Variants in HECTD4 observed in about 807,000 individuals in gnomAD.
The protein encoded by HECTD4 is HECT domain E3 ubiquitin protein ligase 4, also known as probable E3 ubiquitin-protein ligase HECTD4.
HECTD4 carries 114 observed loss-of-function variants against 471.5 expected under a neutral mutation model. The observed-to-expected ratio is 0.24, with a 90% confidence interval of 0.21 to 0.28. HECTD4 has a LOEUF of 0.28. Ranked by LOEUF, HECTD4 falls within the 10% of genes least tolerant of loss-of-function variation. The pLI is 1.00. For synonymous variants in HECTD4, 2,012 were observed against 2,256.0 expected (o/e 0.89, Z 3.07); for missense variants, 3,866 against 5,651.5 (o/e 0.68, Z 10.13).
At chr12:112,325,771 T>C (rs2035729190) in intron 1 of HECTD4, among the ~76,000 whole-genome samples, 2 of 151,998 alleles carry the variant, frequency 1.3e-5, no homozygotes, top group Admixed American at 1.3e-4. Context: ...ACAGCCTTCA[T>C]GTATTTTTTT....
chr12:112,282,035 ATGTTTAAT>A (rs1392762095), intron 8 of HECTD4, among the ~76,000 whole-genome samples: 2 of 152,110 alleles, frequency 1.3e-5, no homozygotes, highest in African/African-American at 2.4e-5. Context: ...TTGAGGGAGT[ATGTTTAAT>A]AACATACTCC....
At chr12:112,203,825 G>A in intron 53 of HECTD4, 53 bp from the exon 54 acceptor site, 1 of 1,290,508 alleles carries the variant, frequency 7.7e-7, no homozygotes, top group East Asian at 2.6e-5. Context: ...CTGCATCTGG[G>A]TTCTTACATT....
intron 18 of HECTD4, 96 bp from the exon 19 acceptor site, chr12:112,259,361 G>A: frequency 7.5e-7 from 1 of 1,332,114 alleles, no homozygotes; most frequent in South Asian, 1.3e-5. Context: ...CTCCTAAACT[G>A]CACCTCCTTA....
rs746357594 is a variant in HECTD4, at chr12:112,184,220, G to A, written c.10746C>T (p.Ala3582=). 4 of 1,612,820 alleles carry A rather than the reference G, an allele frequency of 2.5e-6. No homozygotes were observed. In the South Asian group the frequency reaches 3.3e-5, roughly 13 times the overall value. Residue 3582 remains alanine (A), a synonymous_variant, in exon 61 of 76, where the codon GCC becomes GCT. Coordinates refer to ENST00000682272, the MANE Select transcript of HECTD4 (RefSeq NM_001388303.1). This position sits in a 1 kb window ranked among gnomAD's most constrained non-coding sequence, Gnocchi z 9.1. ...CTGCGAAGCCTTTGATGGGGCGGGC[G>A]GCGAGGGGCTGGTTGTCCAGGGAAG... The part of the protein sequence containing the change: ...TVTSLDNQPL[A]ARPIKGFAVV...
chr12:112,328,414 A>G (rs1297596844), intron 1 of HECTD4, among the ~76,000 whole-genome samples: 1 of 152,246 alleles, frequency 6.6e-6, no homozygotes, highest in Non-Finnish European at 1.5e-5. Flanking sequence ...CTGGGATTAC[A>G]GGCATGAGCC....
chr12:112,229,466 C>T (rs1430385107), intron 41 of HECTD4, among the ~76,000 whole-genome samples: 1 of 152,198 alleles, frequency 6.6e-6, no homozygotes, highest in Non-Finnish European at 1.5e-5. Flanking sequence ...GATCACACTA[C>T]AGGACACAAG....
intron 1 of HECTD4, among the ~76,000 whole-genome samples, chr12:112,377,220 C>T (rs1375745493): frequency 6.6e-6 from 1 of 151,642 alleles, no homozygotes; most frequent in East Asian, 1.9e-4. Flanking sequence ...TCACTTGAGG[C>T]CAAGAGGAAT....
At position 112,274,965 on chromosome 12, in the gene HECTD4, GGA is replaced by G; in HGVS notation, c.1688-7_1688-6del. The G allele has an allele frequency of 6.6e-7, 1 of 1,506,004 alleles. No individual in the cohort carries two copies. Among genetic ancestry groups the G allele is most frequent in the Non-Finnish European group, 9.0e-7 (1 of 1,107,192 alleles). The allele number at this position is 1,506,004 out of a possible 1,614,324, so 93.3% of individuals were successfully genotyped here. Reference sequence around the variant, plus strand: ...ACACCAAGCTGGAGGCTAGGACTTTGGAAACAAACATTAAGCTGTTTAATGAG... The same window carrying G: ...ACACCAAGCTGGAGGCTAGGACTTTGAACAAACATTAAGCTGTTTAATGAG... On this transcript the variant is annotated splice_region_variant and splice_polypyrimidine_tract_variant and intron_variant, in intron 9 of 75. Transcript: ENST00000682272.
At chr12:112,264,591 TA>T (rs2034225242) in intron 16 of HECTD4, among the ~76,000 whole-genome samples, 1 of 152,040 alleles carries the variant, frequency 6.6e-6, no homozygotes, top group Admixed American at 6.6e-5. Flanking sequence ...AATGTAAAAT[TA>T]AAAATTAATA....
rs1170258470 is a variant in HECTD4, at chr12:112,166,993, T to G, written c.12534+324A>C. The G allele has an allele frequency of 4.2e-6, 1 of 239,592 alleles. No homozygotes were observed. The highest frequency in any genetic ancestry group is 8.0e-6 in the Non-Finnish European group (1 of 125,358). The allele number at this position is 239,592 out of a possible 1,614,324, so 14.8% of individuals were successfully genotyped here. On this transcript the variant is annotated intron_variant, in intron 72 of 75. Coordinates refer to ENST00000682272, the MANE Select transcript of HECTD4 (RefSeq NM_001388303.1). This position sits in a 1 kb window ranked among gnomAD's most constrained non-coding sequence, Gnocchi z 4.6. ...GAGTCCCTGAAAAAACTCTTAACCT[T>G]CACCCCTACAGCTGTTCTCCCAGTG... is the stretch of plus-strand genomic sequence containing the variant.
intron 38 of HECTD4, among the ~76,000 whole-genome samples, chr12:112,232,029 G>A (rs1392419391): frequency 6.6e-6 from 1 of 152,160 alleles, no homozygotes; most frequent in Non-Finnish European, 1.5e-5. Flanking sequence ...TCAATACACA[G>A]AGATCTACCT....
Position 112,184,244 on chromosome 12 carries a change from A to G in HECTD4, c.10722T>C (p.Thr3574=). ...CGGCGAGGGGCTGGTTGTCCAGGGAAGTGACTGTGTACATGGAGCCCATGT... is the reference window on the plus strand; with the variant it reads ...CGGCGAGGGGCTGGTTGTCCAGGGAGGTGACTGTGTACATGGAGCCCATGT... The part of the protein sequence containing the change: ...VSDMGSMYTV[T]SLDNQPLAAR... The change falls in exon 61 of 76, where the codon ACT becomes ACC. Residue 3574 remains threonine, a synonymous_variant. Coordinates refer to ENST00000682272, the MANE Select transcript of HECTD4 (RefSeq NM_001388303.1). This position sits in a 1 kb window ranked among gnomAD's most constrained non-coding sequence, Gnocchi z 9.1. The G allele has an allele frequency of 6.2e-7, 1 of 1,613,532 alleles. No individual in the cohort carries two copies. Among genetic ancestry groups the G allele is most frequent in the Non-Finnish European group, 8.5e-7 (1 of 1,179,852 alleles).
At chr12:112,221,423 A>C (rs778527357) in intron 44 of HECTD4, among the ~76,000 whole-genome samples, 1 of 151,718 alleles carries the variant, frequency 6.6e-6, no homozygotes, top group Non-Finnish European at 1.5e-5. Context: ...TTTTTTGTAG[A>C]TAGGGAGTTT....
At chr12:112,364,677 C>T (rs2036526485) in intron 1 of HECTD4, among the ~76,000 whole-genome samples, 1 of 151,788 alleles carries the variant, frequency 6.6e-6, no homozygotes, top group South Asian at 2.1e-4. Context: ...TGCAGTGAGC[C>T]GTGACTGCGC....
intron 1 of HECTD4, among the ~76,000 whole-genome samples, chr12:112,346,802 T>G (rs1368328452): frequency 6.6e-6 from 1 of 152,208 alleles, no homozygotes; most frequent in Non-Finnish European, 1.5e-5. Flanking sequence ...TCTATTTGAT[T>G]GCTCTCCTTT....
Position 112,243,927 on chromosome 12 carries a change from A to T in HECTD4, c.4596T>A (p.Ser1532=). ...PVFLRSMSAP[S]DLEMIGNEDL... The stretch of plus-strand genomic sequence containing the variant: ...CTTCATTACCAATCATTTCCAGGTC[A>T]GAAGGAGCTGACATGCTGCGAAGAA... Residue 1532 remains serine (S), a synonymous_variant, in exon 30 of 76, where the codon TCT becomes TCA. Transcript: ENST00000682272. The surrounding 1 kb of genome is among the most constrained non-coding windows in gnomAD (Gnocchi z 6.6). 1 of 1,614,062 alleles carries T rather than the reference A, an allele frequency of 6.2e-7. No individual in the cohort carries two copies. Among genetic ancestry groups the T allele is most frequent in the Non-Finnish European group, 8.5e-7 (1 of 1,179,896 alleles).
rs755787057 is a variant in HECTD4 at position 112,203,802 on chromosome 12, G to A, written c.8270-30C>T. On this transcript the variant is annotated intron_variant, in intron 53 of 75. Coordinates refer to ENST00000682272, the MANE Select transcript of HECTD4 (RefSeq NM_001388303.1). ...GGAGTGTAGAGGGAGAAGTTTTTCAGGAAAAAGTACCACTGCATCTGGGTT... is the reference window on the plus strand; with the variant it reads ...GGAGTGTAGAGGGAGAAGTTTTTCAAGAAAAAGTACCACTGCATCTGGGTT... 4 of 1,487,932 alleles carry A rather than the reference G, an allele frequency of 2.7e-6. No individual in the cohort carries two copies. The East Asian group carries it at 9.8e-5, about 36-fold the overall frequency. The allele number at this position is 1,487,932 out of a possible 1,614,324, so 92.2% of individuals were successfully genotyped here.
intron 24 of HECTD4, 77 bp from the exon 25 acceptor site, chr12:112,250,454 C>G: frequency 1.0e-6 from 1 of 998,464 alleles, no homozygotes; most frequent in Non-Finnish European, 1.5e-6. Context: ...TTTGCAGATA[C>G]ATCAAACATA....
intron 7 of HECTD4, among the ~76,000 whole-genome samples, chr12:112,299,091 T>C (rs974344330): frequency 6.6e-6 from 1 of 152,176 alleles, no homozygotes; most frequent in Non-Finnish European, 1.5e-5. Flanking sequence ...ATGAAAAATT[T>C]CAAACATATG....
Sources: allele counts gnomAD v4.1 joint callset (sites outside exome capture counted in the v4.1 genomes callset), GRCh38; gene constraint gnomAD v4.1.1; non-coding constraint Gnocchi (gnomAD v3.1); transcripts MANE v1.5; gene names NCBI Gene and HGNC (gene_info 2026-07-23, HGNC 2026-07-21).